The following ERCC6L2 variants were observed in gnomAD, a reference collection of about 807,000 sequenced individuals.
ERCC6L2 encodes the protein ERCC excision repair 6 like 2.
A neutral mutation model predicts 132.0 loss-of-function variants in ERCC6L2; 77 were observed. The ratio of observed to expected loss-of-function variants is 0.58; its 90% confidence interval spans 0.49 to 0.71. The LOEUF is 0.71. Ranked by LOEUF, ERCC6L2 falls within the 30% of genes least tolerant of loss-of-function variation. ERCC6L2 has a pLI of 0.00. For synonymous variants in ERCC6L2, 583 were observed against 632.4 expected, an observed-to-expected ratio of 0.92 and a Z score of 1.17; for missense variants, 1,542 against 1,837.6, an observed-to-expected ratio of 0.84 and a Z score of 2.94.
At chr9:95,973,210 A>G in intron 16 of ERCC6L2, 122 bp downstream of exon 16, 1 of 583,674 alleles carries the variant, frequency 1.7e-6, no homozygotes, top group South Asian at 2.1e-5. Flanking sequence ...TTGAGGCACA[A>G]ATAAGGAACG....
chr9:95,962,443 A>G (rs568624544), intron 13 of ERCC6L2, among the ~76,000 whole-genome samples: 7 of 152,282 alleles, frequency 4.6e-5, no homozygotes, highest in African/African-American at 1.7e-4. Flanking sequence ...ATTTGTTTAA[A>G]AAACAAAGGA....
At chr9:95,929,574 TAAATC>T (rs972681164) in intron 11 of ERCC6L2, among the ~76,000 whole-genome samples, 2 of 152,160 alleles carry the variant, frequency 1.3e-5, no homozygotes, top group Non-Finnish European at 2.9e-5. Flanking sequence ...AAGTAAAAAT[TAAATC>T]AGAATAGAAA....
downstream of ERCC6L2, among the ~76,000 whole-genome samples, chr9:96,022,013 C>A (rs948136021): frequency 1.3e-5 from 2 of 152,124 alleles, no homozygotes; most frequent in Non-Finnish European, 2.9e-5. Flanking sequence ...CGCAGGTCGG[C>A]CCTGCAGCTG....
At position 96,040,321 on chromosome 9, in the gene ERCC6L2, C is replaced by T. The variant is rs140079284; in HGVS notation, c.*1755+1194C>T. Among the ~76,000 whole-genome samples the T allele has an allele frequency of 1.9e-3, 290 of 152,264 alleles. 1 individual carries two copies. The highest frequency in any genetic ancestry group is 6.7e-3 in the African/African-American group (278 of 41,552). ...CTGGAAGTCTCTGCTGCTGTGGTCA[C>T]GAGACGTGACCTGGAGTCACTGCTT... is the stretch of plus-strand genomic sequence containing the variant. On this transcript the variant is annotated intron_variant and NMD_transcript_variant, in intron 20 of 20. Transcript: ENST00000670016.
rs140359902 is a variant in ERCC6L2, at chr9:95,954,565, A to G, written c.1848-1349A>G. On this transcript the variant is annotated intron_variant, in intron 12 of 18. Coordinates refer to ENST00000653738, the MANE Select transcript of ERCC6L2 (RefSeq NM_020207.7). ...CTTACAAATCCTTGCTTTATGGATC[A>G]AGAAATGATGAAGTATAGGCGCACA... is the stretch of plus-strand genomic sequence containing the variant. Among the ~76,000 whole-genome samples the G allele has an allele frequency of 2.9e-3, 438 of 152,364 alleles. 2 individuals carry two copies. The highest frequency in any genetic ancestry group is 0.01 in the African/African-American group (419 of 41,584).
chr9:95,906,198 A>G (rs994279105), intron 3 of ERCC6L2, among the ~76,000 whole-genome samples: 3 of 152,174 alleles, frequency 2.0e-5, no homozygotes, highest in Non-Finnish European at 4.4e-5. Context: ...ATAACTCTTG[A>G]TCTTTGCTAT....
At chr9:95,949,405 T>G (rs1261810897) in intron 12 of ERCC6L2, among the ~76,000 whole-genome samples, 1 of 152,128 alleles carries the variant, frequency 6.6e-6, no homozygotes, top group Non-Finnish European at 1.5e-5. Flanking sequence ...TGTGGCACAT[T>G]ATAATCAAAC....
chr9:95,921,803 CCT>C (rs768759980), intron 7 of ERCC6L2, among the ~76,000 whole-genome samples: 3 of 152,040 alleles, frequency 2.0e-5, no homozygotes, highest in Non-Finnish European at 2.9e-5. Context: ...TCATGTTTCA[CCT>C]CTGTTTTATT....
At position 95,896,380 on chromosome 9, in the gene ERCC6L2, T is replaced by TTTTG. The variant is rs201374421; in HGVS notation, c.472-1449_472-1446dup. On this transcript the variant is annotated intron_variant, in intron 2 of 18. Transcript: ENST00000653738. ...AGGTCAGCTACTTGTCTATTTGTTT[T>TTTTG]TTTGTTTGTTTGTTTGTTTGTTTTT... Among the ~76,000 whole-genome samples the TTTTG allele has an allele frequency of 2.6e-4, 40 of 151,712 alleles. No homozygotes were observed. In the East Asian group the frequency reaches 3.5e-3, roughly 13 times the overall value.
intron 19 of ERCC6L2, among the ~76,000 whole-genome samples, chr9:96,035,697 A>C (rs1009072786): frequency 6.6e-6 from 1 of 151,978 alleles, no homozygotes. Flanking sequence ...TTCACCCTTC[A>C]CCTGTCTGCA....
rs183434873 is a variant in ERCC6L2, at chr9:96,026,248, C to T, written c.*1504-12628C>T. Among the ~76,000 whole-genome samples the T allele has an allele frequency of 5.3e-4, 80 of 152,340 alleles. 1 individual carries two copies. Among genetic ancestry groups the T allele is most frequent in the African/African-American group, 1.8e-3 (73 of 41,582 alleles). On this transcript the variant is annotated intron_variant and NMD_transcript_variant, in intron 19 of 20. Coordinates refer to the ERCC6L2 transcript ENST00000670016. ...TTGGGAGTCCGGGGGGTTATTGGGG[C>T]TCTGCTGACGGGAACAGGCTCCTGT...
intron 3 of ERCC6L2, chr9:95,904,931 T>A (rs1828958296): frequency 6.6e-6 from 1 of 152,232 alleles, no homozygotes; most frequent in Non-Finnish European, 1.5e-5. Flanking sequence ...TTAATTTTAT[T>A]TGTGTTAATT....
intron 1 of ERCC6L2, among the ~76,000 whole-genome samples, chr9:95,878,052 G>A (rs1346347462): frequency 6.6e-6 from 1 of 152,198 alleles, no homozygotes; most frequent in African/African-American, 2.4e-5. Flanking sequence ...CGCTAAATAG[G>A]TGGACTGGGA....
intron 19 of ERCC6L2, among the ~76,000 whole-genome samples, chr9:96,036,301 C>A (rs1382527559): frequency 6.6e-6 from 1 of 152,166 alleles, no homozygotes; most frequent in African/African-American, 2.4e-5. Context: ...AGAATTTGTC[C>A]CTTTGTGTCT....
At chr9:95,919,647 C>T (rs1415949974) in intron 6 of ERCC6L2, among the ~76,000 whole-genome samples, 1 of 152,170 alleles carries the variant, frequency 6.6e-6, no homozygotes, top group African/African-American at 2.4e-5. Context: ...GGAAGGATTA[C>T]ACCATTTGAA....
At chr9:96,040,520 G>A (rs1406228760) in intron 20 of ERCC6L2, among the ~76,000 whole-genome samples, 1 of 152,194 alleles carries the variant, frequency 6.6e-6, no homozygotes, top group Admixed American at 6.5e-5. Context: ...TCGGAGCTCT[G>A]CATATCTCCC....
intron 15 of ERCC6L2, 36 bp downstream of exon 15, chr9:95,970,692 A>G: frequency 8.0e-7 from 1 of 1,249,576 alleles, no homozygotes; most frequent in Non-Finnish European, 1.0e-6. Context: ...TACAACACCT[A>G]GAAAACATGT....
Position 95,972,675 on chromosome 9 carries a change from G to A in ERCC6L2, c.2924G>A (p.Gly975Asp). 7.7e-7 allele frequency: 1 copy of A among 1,299,090 alleles called. No individual in the cohort carries two copies. The highest frequency in any genetic ancestry group is 1.0e-6 in the Non-Finnish European group (1 of 988,884). The allele number at this position is 1,299,090 out of a possible 1,614,324, so 80.5% of individuals were successfully genotyped here. The change falls in exon 16 of 19, where the codon GGC becomes GAC. Residue 975 changes from glycine to aspartate, a missense_variant. Around this residue, in one of 4 missense-constraint regions of ERCC6L2, gnomAD observed 945 missense variants for 1,105.2 expected, o/e 0.86. Coordinates refer to ENST00000653738, the MANE Select transcript of ERCC6L2 (RefSeq NM_020207.7). ...TTLKSILKRK[G>D]TSDISDESDD... is the part of the protein sequence containing the mutation. ...CTGAAATCTATTTTGAAAAGAAAAG[G>A]CACCAGTGATATCAGTGATGAATCT...
At chr9:95,904,592 A>G (rs1192508898) in intron 3 of ERCC6L2, among the ~76,000 whole-genome samples, 2 of 152,134 alleles carry the variant, frequency 1.3e-5, no homozygotes, top group Non-Finnish European at 2.9e-5. Flanking sequence ...CAGTTTCCTC[A>G]TCTGTGTTTC....
Sources: gnomAD v4.1 joint callset for allele counts (sites outside exome capture counted in the v4.1 genomes callset) on GRCh38, gnomAD v4.1.1 for gene constraint, gnomAD v4.1.1 regional missense constraint, MANE v1.5 for transcripts, NCBI Gene and HGNC (gene_info 2026-07-23, HGNC 2026-07-21) for gene names.